SLC5A5: variants seen among roughly 807,000 people sequenced by gnomAD.
SLC5A5 encodes the protein sodium/iodide cotransporter.
A neutral mutation model predicts 68.6 loss-of-function variants in SLC5A5; 56 were observed. The observed-to-expected ratio is 0.82, with a 90% CI of 0.66 to 1.02. SLC5A5 has a LOEUF of 1.02. SLC5A5 is among the 50% of genes least tolerant of loss of function. SLC5A5 has a pLI of 0.00. For synonymous variants in SLC5A5, 398 were observed against 373.0 expected (o/e 1.07, Z -0.77); for missense variants, 807 against 859.8 (o/e 0.94, Z 0.77).
rs2094311795 is a variant in SLC5A5 at position 17,878,044 on chromosome 19, A to G, written c.920A>G (p.Tyr307Cys). 3.1e-6 allele frequency: 5 copies of G among 1,612,978 alleles called. No homozygotes were observed. Among genetic ancestry groups the G allele is most frequent in the African/African-American group, 1.3e-5 (1 of 74,910 alleles). ...TGTGGCATCGTCATGTTTGTGTTCT[A>G]CACTGACTGCGACCCTCTCCTCCTG... is the stretch of plus-strand genomic sequence containing the variant. ...ACCGIVMFVF[Y>C]TDCDPLLLGR... The change falls in exon 7 of 15, where the codon TAC becomes TGC. Residue 307 changes from tyrosine to cysteine, a missense_variant. Physicochemically the swap from Tyr to Cys is radical, Grantham distance 194. Transcript: ENST00000222248.
chr19:17,886,952 G>T (rs2029943930), intron 12 of SLC5A5, among the ~76,000 whole-genome samples: 1 of 152,086 alleles, frequency 6.6e-6, no homozygotes, highest in South Asian at 2.1e-4. Context: ...GTGCACACTT[G>T]TAGTCCCAGC....
At position 17,877,843 on chromosome 19, in the gene SLC5A5, C is replaced by T. The variant is rs2094311209; in HGVS notation, c.819C>T (p.Arg273=). 6.2e-7 allele frequency: 1 copy of T among 1,614,176 alleles called. No individual in the cohort carries two copies. The highest frequency in any genetic ancestry group is 8.5e-7 in the Non-Finnish European group (1 of 1,180,034). Residue 273 remains arginine, a synonymous_variant, in exon 6 of 15, where the codon CGC becomes CGT. Transcript: ENST00000222248. The part of the protein sequence containing the change: ...QAQVQRYVAC[R]TEKQAKLALL... ...AGGTGCAGCGCTACGTGGCTTGCCG[C>T]ACAGAGAAGCAGGCCAAGCTGTGAG... is the stretch of plus-strand genomic sequence containing the variant.
intron 10 of SLC5A5, among the ~76,000 whole-genome samples, 160 bp from the exon 11 acceptor site, chr19:17,883,520 CA>C (rs1237776208): frequency 3.0e-5 from 4 of 133,942 alleles, no homozygotes; most frequent in South Asian, 2.2e-4. Flanking sequence ...TAGGCAGGAA[CA>C]AGGGGGGGGG....
At chr19:17,880,995 T>C in intron 8 of SLC5A5, 42 bp downstream of exon 8, 1 of 1,465,720 alleles carries the variant, frequency 6.8e-7, no homozygotes, top group Non-Finnish European at 9.6e-7. Context: ...TTTCAGCCCC[T>C]GGGAGCCTCC....
intron 12 of SLC5A5, among the ~76,000 whole-genome samples, chr19:17,887,264 G>A (rs972116451): frequency 2.6e-5 from 4 of 151,984 alleles, no homozygotes; most frequent in African/African-American, 9.7e-5. Context: ...TCATTCTCTC[G>A]ATAGAATCCT....
At position 17,882,522 on chromosome 19, in the gene SLC5A5, T is replaced by C. The variant is rs1483517234; in HGVS notation, c.1242+303T>C. Among the ~76,000 whole-genome samples, 3 of 148,990 alleles carry C rather than the reference T, an allele frequency of 2.0e-5. No individual in the cohort carries two copies. In the South Asian group the frequency reaches 6.4e-4, roughly 32 times the overall value. On this transcript the variant is annotated intron_variant, in intron 10 of 14. Transcript: ENST00000222248. ...GGCTAATTTTTTTCTTTTTTCTTTT[T>C]TTTTTTTTTTTGAGGTGGAGTGTCA...
chr19:17,888,972 G>A (rs1393621156), intron 13 of SLC5A5, among the ~76,000 whole-genome samples: 4 of 147,108 alleles, frequency 2.7e-5, no homozygotes, highest in African/African-American at 8.0e-5. Context: ...AAAAAGAAGT[G>A]TGTGTGTATA....
At chr19:17,874,271 C>T (rs1310430319) in intron 2 of SLC5A5, 68 bp downstream of exon 2, 11 of 1,206,620 alleles carry the variant, frequency 9.1e-6, no homozygotes, top group Non-Finnish European at 1.3e-5. Context: ...GCCCGGCCCC[C>T]ACCATTCAAG....
At chr19:17,888,203 A>T in intron 12 of SLC5A5, 128 bp from the exon 13 acceptor site, 1 of 1,134,202 alleles carries the variant, frequency 8.8e-7, no homozygotes, top group African/African-American at 1.5e-5. Context: ...ATCTGGGCAG[A>T]CAGTAATGGA....
intron 12 of SLC5A5, among the ~76,000 whole-genome samples, chr19:17,886,706 G>A (rs1009054504): frequency 6.6e-6 from 1 of 152,074 alleles, no homozygotes; most frequent in Non-Finnish European, 1.5e-5. Flanking sequence ...ACTTCTCCAC[G>A]TCCTCGCCAA....
Position 17,880,877 on chromosome 19 carries a change from C to T in SLC5A5, c.982C>T (p.Leu328=). The change falls in exon 8 of 15, where the codon CTG becomes TTG. Residue 328 remains leucine (L), a synonymous_variant. Transcript: ENST00000222248. ...ISAPDQYMPL[L]VLDIFEDLPG... is the part of the protein sequence containing the mutation. ...CAGTTCTCCCCAGTACATGCCTCTG[C>T]TGGTGCTGGACATCTTCGAAGATCT... 1 of 1,613,674 alleles carries T rather than the reference C, an allele frequency of 6.2e-7. No homozygotes were observed. The highest frequency in any genetic ancestry group is 8.5e-7 in the Non-Finnish European group (1 of 1,179,852).
rs12461836 is a variant in SLC5A5 at position 17,878,366 on chromosome 19, G to C, written c.969+273G>C. On this transcript the variant is annotated intron_variant, in intron 7 of 14. Coordinates refer to ENST00000222248, the MANE Select transcript of SLC5A5 (RefSeq NM_000453.3). ...CTAAAAATATAAAAATTAGCTGGACGTGGTGGCACGCACCTGTAGTCCCGG... is the reference window on the plus strand; with the variant it reads ...CTAAAAATATAAAAATTAGCTGGACCTGGTGGCACGCACCTGTAGTCCCGG... Among the ~76,000 whole-genome samples, 8,881 of 152,050 alleles carry C rather than the reference G, an allele frequency of 0.058. 386 individuals are homozygous for C. The highest frequency in any genetic ancestry group is 0.13 in the Admixed American group (1,993 of 15,226).
chr19:17,878,113 C>A lies in SLC5A5; in HGVS notation c.969+20C>A. Reference sequence around the variant, plus strand: ...GACCAGGTGAGTCCCACCCAGGCTCCTGGTTGGCTCTGCACTCCCTCACTA... The same window carrying A: ...GACCAGGTGAGTCCCACCCAGGCTCATGGTTGGCTCTGCACTCCCTCACTA... On this transcript the variant is annotated intron_variant, in intron 7 of 14. Coordinates refer to ENST00000222248, the MANE Select transcript of SLC5A5 (RefSeq NM_000453.3). 6.2e-7 allele frequency: 1 copy of A among 1,607,972 alleles called. No individual in the cohort carries two copies. The highest frequency in any genetic ancestry group is 8.5e-7 in the Non-Finnish European group (1 of 1,179,822).
chr19:17,894,139 C>G lies in SLC5A5; in HGVS notation c.*262C>G. On this transcript the variant is annotated 3_prime_UTR_variant, in exon 15 of 15. Transcript: ENST00000222248. ...CCCAAATAAGGCTGGGTTTTTCTCT[C>G]TCTCTTTTTTTTTTTTTTTTTTTTT... 2.5e-6 allele frequency: 1 copy of G among 404,082 alleles called. No homozygotes were observed. Among genetic ancestry groups the G allele is most frequent in the East Asian group, 5.0e-5 (1 of 20,184 alleles). The allele number at this position is 404,082 out of a possible 1,614,324, so 25.0% of individuals were successfully genotyped here. A position where few individuals can be genotyped will look rare whatever the true frequency, so the allele number is the denominator to read the frequency against.
intron 1 of SLC5A5, among the ~76,000 whole-genome samples, chr19:17,873,829 CTG>C (rs2147727973): frequency 6.6e-6 from 1 of 152,356 alleles, no homozygotes; most frequent in Non-Finnish European, 1.5e-5. Flanking sequence ...ACTGTCTACA[CTG>C]TGCGCTTGCG....
Position 17,876,018 on chromosome 19 carries a change from G to A in SLC5A5, c.610G>A (p.Val204Ile), listed in dbSNP as rs772822455. The A allele has an allele frequency of 1.2e-6, 2 of 1,614,188 alleles. No individual in the cohort carries two copies. The highest frequency in any genetic ancestry group is 1.7e-6 in the Non-Finnish European group (2 of 1,180,040). ...CGTGGTGATGCTAAGTGGCTTCTGG[G>A]TTGTCCTGGCACGCGGTGTCATGCT... The part of the protein sequence containing the change: ...QVVVMLSGFW[V>I]VLARGVMLVG... Residue 204 changes from valine to isoleucine, a missense_variant, in exon 5 of 15, where the codon GTT becomes ATT. Coordinates refer to ENST00000222248, the MANE Select transcript of SLC5A5 (RefSeq NM_000453.3).
chr19:17,891,626 T>C (rs946259925), intron 14 of SLC5A5, among the ~76,000 whole-genome samples: 14 of 152,232 alleles, frequency 9.2e-5, no homozygotes, highest in African/African-American at 3.4e-4. Flanking sequence ...ACTGGTGTGC[T>C]GTTAGGGTAT....
At chr19:17,885,977 C>T (rs766215067) in intron 12 of SLC5A5, among the ~76,000 whole-genome samples, 2 of 151,998 alleles carry the variant, frequency 1.3e-5, no homozygotes, top group African/African-American at 4.8e-5. Flanking sequence ...TCTCCTGTCT[C>T]GGCCTCCTGA....
intron 14 of SLC5A5, among the ~76,000 whole-genome samples, chr19:17,892,678 G>GAGAA (rs1446078973): frequency 6.6e-6 from 1 of 151,272 alleles, no homozygotes; most frequent in African/African-American, 2.4e-5. Flanking sequence ...GAGAGAGAGA[G>GAGAA]AGAGAGAGAG....
Sources: allele counts gnomAD v4.1 joint callset (sites outside exome capture counted in the v4.1 genomes callset), GRCh38; gene constraint gnomAD v4.1.1; transcripts MANE v1.5; gene names NCBI Gene and HGNC (gene_info 2026-07-23, HGNC 2026-07-21).